The following SEZ6L variants were observed in gnomAD, a reference collection of about 807,000 sequenced individuals.
The protein encoded by SEZ6L is seizure related 6 homolog like.
Under a neutral mutation model 106.2 loss-of-function variants are expected in SEZ6L, and 37 were observed. The ratio of observed to expected loss-of-function variants is 0.35; its 90% CI spans 0.27 to 0.46. The LOEUF (loss-of-function observed/expected upper bound fraction) is 0.46. Among genes scored for constraint, SEZ6L ranks in the 20% least tolerant of loss-of-function variants. The pLI, the probability that SEZ6L is intolerant of heterozygous loss-of-function variation, is 1.00. For synonymous variants in SEZ6L, 541 were observed against 570.4 expected (o/e 0.95, Z 0.73); for missense variants, 1,172 against 1,332.8 (o/e 0.88, Z 1.88).
intron 1 of SEZ6L, among the ~76,000 whole-genome samples, chr22:26,216,121 A>G (rs991081542): frequency 6.6e-6 from 1 of 151,914 alleles, no homozygotes; most frequent in Non-Finnish European, 1.5e-5. Flanking sequence ...AAGCCCAGAG[A>G]GGAAGAAACA....
At chr22:26,324,725 C>T (rs117878413) in intron 9 of SEZ6L, among the ~76,000 whole-genome samples, 17 of 152,244 alleles carry the variant, frequency 1.1e-4, no homozygotes, top group Non-Finnish European at 1.9e-4. Flanking sequence ...GCCAAAAGTT[C>T]GAAGGAATTA....
chr22:26,289,783 T>G (rs1487682705), intron 1 of SEZ6L, among the ~76,000 whole-genome samples: 3 of 152,168 alleles, frequency 2.0e-5, no homozygotes, highest in Non-Finnish European at 4.4e-5. Flanking sequence ...TGAAATAAAT[T>G]TAAATGACAG....
At chr22:26,344,924 GAAA>G (rs1172271983) in intron 10 of SEZ6L, among the ~76,000 whole-genome samples, 1 of 152,220 alleles carries the variant, frequency 6.6e-6, no homozygotes, top group East Asian at 1.9e-4. Context: ...AAGAAGAGTA[GAAA>G]AGAAGTCTTC....
chr22:26,201,382 C>CAAAAAAAAAAAAAAAAAAAAAA (rs71192905), intron 1 of SEZ6L, among the ~76,000 whole-genome samples: 2 of 75,322 alleles, frequency 2.7e-5, no homozygotes, highest in African/African-American at 5.7e-5. Context: ...TACAAAAATA[C>CAAAAAAAAAAAAAAAAAAAAAA]AAAAAAAAAA....
intron 1 of SEZ6L, among the ~76,000 whole-genome samples, chr22:26,221,238 G>T (rs2078460682): frequency 6.6e-6 from 1 of 151,926 alleles, no homozygotes. Context: ...TTACCCCTGT[G>T]GTCTGTTCCA....
chr22:26,302,647 T>G (rs1023425336), intron 5 of SEZ6L, among the ~76,000 whole-genome samples: 1 of 152,120 alleles, frequency 6.6e-6, no homozygotes, highest in Non-Finnish European at 1.5e-5. Context: ...TTTTTCTTTC[T>G]TTTTTTTAAA....
intron 1 of SEZ6L, among the ~76,000 whole-genome samples, chr22:26,261,548 G>C (rs2080007037): frequency 6.6e-6 from 1 of 152,112 alleles, no homozygotes; most frequent in Non-Finnish European, 1.5e-5. Context: ...ACCACTTACT[G>C]TACTGCATGG....
At chr22:26,357,985 C>T (rs905443076) in intron 12 of SEZ6L, among the ~76,000 whole-genome samples, 1 of 152,204 alleles carries the variant, frequency 6.6e-6, no homozygotes, top group Non-Finnish European at 1.5e-5. Context: ...GTTCTCACAG[C>T]CCTGAGCCCA....
intron 1 of SEZ6L, among the ~76,000 whole-genome samples, chr22:26,250,549 G>A (rs2145792640): frequency 6.6e-6 from 1 of 152,304 alleles, no homozygotes; most frequent in East Asian, 1.9e-4. Flanking sequence ...GCACCATGCT[G>A]TTTTAGGTAC....
In SEZ6L at chr22:26,176,840, T is replaced by A. The variant is rs576794506; in HGVS notation, c.94+7077T>A. 3.6e-4 allele frequency among the ~76,000 whole-genome samples: 55 copies of A among 152,332 alleles called. 1 individual carries two copies. The South Asian group carries it at 0.011, about 30-fold the overall frequency. On this transcript the variant is annotated intron_variant, in intron 1 of 16. Coordinates refer to ENST00000248933, the MANE Select transcript of SEZ6L (RefSeq NM_021115.5). ...GTCCTAATTCTCCTTTTCTGTGAAG[T>A]CTTCTCTTGCTTCTCTCCTGTCTAT...
chr22:26,270,877 T>A (rs1325299656), intron 1 of SEZ6L, among the ~76,000 whole-genome samples: 2 of 152,152 alleles, frequency 1.3e-5, no homozygotes, highest in African/African-American at 4.8e-5. Flanking sequence ...GGCAGCCACC[T>A]TGAAACTTCA....
At chr22:26,258,083 TAAAC>T (rs1361500503) in intron 1 of SEZ6L, among the ~76,000 whole-genome samples, 2 of 152,128 alleles carry the variant, frequency 1.3e-5, no homozygotes, top group East Asian at 3.9e-4. Context: ...TCATTCTAAC[TAAAC>T]AGTCTTTTGT....
chr22:26,264,465 A>C (rs1268537635), intron 1 of SEZ6L, among the ~76,000 whole-genome samples: 2 of 152,250 alleles, frequency 1.3e-5, no homozygotes, highest in Non-Finnish European at 2.9e-5. Context: ...TTTAATGCCA[A>C]AATGGGTCAT....
chr22:26,257,672 C>T (rs1297529499), intron 1 of SEZ6L, among the ~76,000 whole-genome samples: 1 of 152,096 alleles, frequency 6.6e-6, no homozygotes, highest in East Asian at 1.9e-4. Flanking sequence ...AGAGGGAAAA[C>T]CATGAAGAGA....
intron 9 of SEZ6L, among the ~76,000 whole-genome samples, chr22:26,322,658 A>C (rs2082188978): frequency 6.6e-6 from 1 of 152,194 alleles, no homozygotes; most frequent in Non-Finnish European, 1.5e-5. Context: ...ACCATTAGGC[A>C]TGAAATGAAT....
intron 13 of SEZ6L, among the ~76,000 whole-genome samples, chr22:26,367,620 C>T (rs1165505743): frequency 1.3e-5 from 2 of 151,906 alleles, no homozygotes; most frequent in African/African-American, 2.4e-5. Context: ...CTGGGATTAC[C>T]GCATCTGACC....
intron 1 of SEZ6L, among the ~76,000 whole-genome samples, chr22:26,189,256 G>C (rs1940012220): frequency 6.6e-6 from 1 of 152,234 alleles, no homozygotes. Flanking sequence ...GGAAACTGAA[G>C]CTCAGAGAGG....
chr22:26,329,895 G>A (rs537154642), intron 9 of SEZ6L, among the ~76,000 whole-genome samples: 1 of 152,198 alleles, frequency 6.6e-6, no homozygotes, highest in Non-Finnish European at 1.5e-5. Context: ...AAGTTTTATT[G>A]CATACAACGG....
chr22:26,298,326 C>G (rs890344937), intron 4 of SEZ6L, among the ~76,000 whole-genome samples: 5 of 152,194 alleles, frequency 3.3e-5, no homozygotes, highest in Non-Finnish European at 5.9e-5. Context: ...TTGACATCCT[C>G]TTATGAAAAC....
Sources: gnomAD v4.1 joint callset for allele counts (sites outside exome capture counted in the v4.1 genomes callset) on GRCh38, gnomAD v4.1.1 for gene constraint, MANE v1.5 for transcripts, NCBI Gene and HGNC (gene_info 2026-07-23, HGNC 2026-07-21) for gene names.